SUGCT: variants seen among roughly 807,000 people sequenced by gnomAD.
SUGCT encodes the protein succinyl-CoA:glutarate CoA-transferase.
Under a neutral mutation model 55.0 loss-of-function variants are expected in SUGCT, and 41 were observed. The observed-to-expected ratio is 0.74, with a 90% CI of 0.58 to 0.97. SUGCT has a LOEUF of 0.97. Ranked by LOEUF, SUGCT falls within the 50% of genes least tolerant of loss-of-function variation. The pLI, the probability that SUGCT is intolerant of heterozygous loss-of-function variation, is 0.00. For missense variants in SUGCT, 568 were observed against 547.8 expected (o/e 1.04, Z -0.37); for synonymous variants, 187 against 200.4 (o/e 0.93, Z 0.56).
chr7:40,484,228 G>A (rs1018951441), intron 11 of SUGCT, among the ~76,000 whole-genome samples: 3 of 152,190 alleles, frequency 2.0e-5, no homozygotes, highest in African/African-American at 7.2e-5. Flanking sequence ...TATGGGCCTG[G>A]AGTGTACAGA....
the SUGCT span, among the ~76,000 whole-genome samples, chr7:40,984,676 C>T: frequency 0.71 from 108,327 of 152,100 alleles, 39,575 homozygotes; most frequent in Middle Eastern, 0.82. Context: ...AACTATATTC[C>T]GACGGCTACC....
At chr7:40,859,613 G>A (rs1026656988) in intron 13 of SUGCT, among the ~76,000 whole-genome samples, 3 of 152,212 alleles carry the variant, frequency 2.0e-5, no homozygotes, top group African/African-American at 7.2e-5. Context: ...GTTAGGGAAT[G>A]CTTACTTAGT....
intron 8 of SUGCT, among the ~76,000 whole-genome samples, chr7:40,295,956 G>A (rs908151203): frequency 5.9e-5 from 9 of 152,152 alleles, no homozygotes; most frequent in African/African-American, 1.4e-4. Context: ...CATGTGTAGG[G>A]CAGGTGCTTT....
intron 10 of SUGCT, among the ~76,000 whole-genome samples, chr7:40,453,689 C>T (rs1789317589): frequency 6.6e-6 from 1 of 152,178 alleles, no homozygotes; most frequent in Non-Finnish European, 1.5e-5. Flanking sequence ...TCTGCTAAAC[C>T]AGCAAGAGTA....
At chr7:40,938,987 G>T in the SUGCT span, among the ~76,000 whole-genome samples, 1 of 152,170 alleles carries the variant, frequency 6.6e-6, no homozygotes, top group Non-Finnish European at 1.5e-5. Flanking sequence ...ACATATTCAT[G>T]CAGGTGTCTT....
At chr7:40,692,353 G>A (rs1400731895) in intron 12 of SUGCT, among the ~76,000 whole-genome samples, 1 of 152,200 alleles carries the variant, frequency 6.6e-6, no homozygotes, top group Non-Finnish European at 1.5e-5. Context: ...TACTTTGCCA[G>A]GTTAAGAGGA....
chr7:40,205,319 T>C (rs1335083753), intron 6 of SUGCT, among the ~76,000 whole-genome samples: 3 of 151,562 alleles, frequency 2.0e-5, no homozygotes, highest in African/African-American at 7.3e-5. Context: ...GATTGGAACA[T>C]GGATGAAGTG....
chr7:40,295,099 A>G (rs185056263), intron 8 of SUGCT, among the ~76,000 whole-genome samples: 56 of 152,322 alleles, frequency 3.7e-4, no homozygotes, highest in African/African-American at 1.1e-3. Flanking sequence ...CTTCATTATG[A>G]CTGTAAAAGT....
intron 13 of SUGCT, among the ~76,000 whole-genome samples, chr7:40,777,767 T>G (rs913751630): frequency 3.9e-5 from 6 of 151,946 alleles, no homozygotes; most frequent in Non-Finnish European, 7.4e-5. Context: ...GAAACAGACA[T>G]GTACTTAAGT....
At chr7:40,136,340 A>G (rs1267764925) in intron 1 of SUGCT, among the ~76,000 whole-genome samples, 1 of 152,166 alleles carries the variant, frequency 6.6e-6, no homozygotes, top group Non-Finnish European at 1.5e-5. Context: ...TCATTAAATC[A>G]TAGCCTAACG....
chr7:40,879,552 T>G, the SUGCT span, among the ~76,000 whole-genome samples: 1 of 152,216 alleles, frequency 6.6e-6, no homozygotes, highest in Non-Finnish European at 1.5e-5. Context: ...AAAGTGAGAT[T>G]TGATAGTTTG....
At chr7:40,312,744 T>C (rs1430932494) in intron 8 of SUGCT, among the ~76,000 whole-genome samples, 1 of 152,130 alleles carries the variant, frequency 6.6e-6, no homozygotes, top group Non-Finnish European at 1.5e-5. Context: ...GATGTTGAAA[T>C]AGACTTTGAA....
chr7:40,468,139 G>C (rs376625022), intron 11 of SUGCT, among the ~76,000 whole-genome samples: 1 of 151,720 alleles, frequency 6.6e-6, no homozygotes, highest in South Asian at 2.1e-4. Context: ...CACTTTTTGC[G>C]TGTTCCTTAA....
At chr7:40,188,010 C>T (rs572348535) in intron 3 of SUGCT, among the ~76,000 whole-genome samples, 19 of 151,882 alleles carry the variant, frequency 1.3e-4, no homozygotes, top group African/African-American at 4.1e-4. Context: ...ACTAAAAATA[C>T]AAAAATTAGC....
the SUGCT span, among the ~76,000 whole-genome samples, chr7:40,932,132 C>G: frequency 6.6e-6 from 1 of 152,160 alleles, no homozygotes; most frequent in African/African-American, 2.4e-5. Context: ...TGTCTTTGTT[C>G]TCACTGGTTT....
chr7:40,690,650 C>T (rs1459583183), intron 12 of SUGCT, among the ~76,000 whole-genome samples: 1 of 152,078 alleles, frequency 6.6e-6, no homozygotes, highest in Non-Finnish European at 1.5e-5. Flanking sequence ...TTACTGCAAC[C>T]TCTGACCTCC....
intron 13 of SUGCT, among the ~76,000 whole-genome samples, chr7:40,785,505 C>T (rs1161740998): frequency 6.6e-6 from 1 of 152,174 alleles, no homozygotes; most frequent in Non-Finnish European, 1.5e-5. Flanking sequence ...GCCTCCAAGG[C>T]TTGGTCACAA....
intron 13 of SUGCT, among the ~76,000 whole-genome samples, chr7:40,798,521 C>G (rs1790660831): frequency 6.6e-6 from 1 of 152,094 alleles, no homozygotes; most frequent in Non-Finnish European, 1.5e-5. Context: ...AAGTCAGAAG[C>G]TTTAGTCAAA....
At chr7:40,475,067 T>C (rs1289920773) in intron 11 of SUGCT, among the ~76,000 whole-genome samples, 1 of 152,224 alleles carries the variant, frequency 6.6e-6, no homozygotes, top group Non-Finnish European at 1.5e-5. Context: ...TTGACTTGCA[T>C]TGGGTGCCCA....
Sources: gnomAD v4.1 joint callset for allele counts (sites outside exome capture counted in the v4.1 genomes callset) on GRCh38, gnomAD v4.1.1 for gene constraint, MANE v1.5 for transcripts, NCBI Gene and HGNC (gene_info 2026-07-23, HGNC 2026-07-21) for gene names.